ATAD2: variants seen among roughly 807,000 people sequenced by gnomAD.
The protein encoded by ATAD2 is ATPase family AAA domain containing 2, also known as ATPase family AAA domain-containing protein 2.
ATAD2 carries 62 observed loss-of-function variants against 168.9 expected under a neutral mutation model. The observed-to-expected ratio is 0.37, with a 90% CI of 0.30 to 0.45. The LOEUF is 0.45. Among genes scored for constraint, ATAD2 ranks in the 20% least tolerant of loss-of-function variants. The pLI is 1.00. For missense variants in ATAD2, 1,419 were observed against 1,667.8 expected (o/e 0.85, Z 2.60); for synonymous variants, 613 against 571.6 (o/e 1.07, Z -1.03).
chr8:123,367,550 T>G (rs1829019923), intron 8 of ATAD2, among the ~76,000 whole-genome samples: 1 of 152,114 alleles, frequency 6.6e-6, no homozygotes, highest in South Asian at 2.1e-4. Flanking sequence ...CTGGTGGTGG[T>G]GGGGATTCTA....
At chr8:123,397,351 T>C (rs1254618002), upstream of ATAD2, among the ~76,000 whole-genome samples, 2 of 151,962 alleles carry the variant, frequency 1.3e-5, no homozygotes, top group Admixed American at 1.3e-4. Context: ...TATCTCGGAA[T>C]GTACATATAA....
At chr8:123,358,337 T>G (rs1184010124) in intron 11 of ATAD2, among the ~76,000 whole-genome samples, 3 of 152,124 alleles carry the variant, frequency 2.0e-5, no homozygotes, top group Admixed American at 2.0e-4. Context: ...TGAGCCACCA[T>G]GCCTGGCACT....
intron 25 of ATAD2, 44 bp downstream of exon 25, chr8:123,328,144 AAT>A (rs1237989742): frequency 3.8e-6 from 5 of 1,322,500 alleles, no homozygotes; most frequent in Non-Finnish European, 4.9e-6. Flanking sequence ...GAAACTTTGA[AAT>A]ATCTTTTAAA....
chr8:123,385,673 C>A (rs1262157279), intron 1 of ATAD2, among the ~76,000 whole-genome samples: 1 of 151,890 alleles, frequency 6.6e-6, no homozygotes, highest in Non-Finnish European at 1.5e-5. Context: ...AAAATGAGTA[C>A]CTTTTATGCA....
chr8:123,357,794 A>C, intron 11 of ATAD2, 58 bp from the exon 12 acceptor site: 1 of 1,438,410 alleles, frequency 7.0e-7, no homozygotes, highest in Non-Finnish European at 9.3e-7. Flanking sequence ...CTTTTAAAAC[A>C]AAAATTAGAA....
At position 123,343,377 on chromosome 8, in the gene ATAD2, G is replaced by A. The variant is rs527388366; in HGVS notation, c.2718+1507C>T. ...AGCTAAATCTTTCTCCACAATAATAGTTAGTATTACAAAATTTTTAAAACT... is the reference window on the plus strand; with the variant it reads ...AGCTAAATCTTTCTCCACAATAATAATTAGTATTACAAAATTTTTAAAACT... On this transcript the variant is annotated intron_variant, in intron 19 of 27. Transcript: ENST00000287394. Among the ~76,000 whole-genome samples the A allele has an allele frequency of 1.5e-4, 23 of 152,090 alleles. No individual in the cohort carries two copies. In the South Asian group the frequency reaches 4.8e-3, roughly 32 times the overall value.
At chr8:123,336,623 G>T (rs1241768642) in intron 21 of ATAD2, 91 bp from the exon 22 acceptor site, 5 of 911,416 alleles carry the variant, frequency 5.5e-6, no homozygotes, top group Non-Finnish European at 7.9e-6. Flanking sequence ...AGGAGATAGA[G>T]AATAAATACG....
At chr8:123,374,741 A>C (rs1829253401) in intron 2 of ATAD2, among the ~76,000 whole-genome samples, 1 of 152,226 alleles carries the variant, frequency 6.6e-6, no homozygotes, top group Non-Finnish European at 1.5e-5. Flanking sequence ...CAAGGAAACT[A>C]TTTACAAAAA....
intron 19 of ATAD2, among the ~76,000 whole-genome samples, chr8:123,342,720 G>A (rs1356370260): frequency 6.6e-6 from 1 of 152,072 alleles, no homozygotes; most frequent in Non-Finnish European, 1.5e-5. Flanking sequence ...ATTTAACTTG[G>A]AGGTTCTGTA....
intron 5 of ATAD2, 24 bp downstream of exon 5, chr8:123,371,212 C>A: frequency 2.6e-6 from 4 of 1,535,128 alleles, no homozygotes; most frequent in Non-Finnish European, 3.6e-6. Flanking sequence ...TTAAATCATT[C>A]CCTTAATGGA....
chr8:123,352,730 A>G (rs1828512071), intron 13 of ATAD2: 1 of 151,404 alleles, frequency 6.6e-6, no homozygotes, highest in African/African-American at 2.4e-5. Context: ...AAAAAAAACA[A>G]CAAAAACAAA....
intron 15 of ATAD2, 26 bp downstream of exon 15, chr8:123,348,157 T>C (rs890551988): frequency 3.3e-6 from 5 of 1,501,554 alleles, no homozygotes; most frequent in Non-Finnish European, 4.5e-6. Context: ...GTAGTATTTA[T>C]TTTAACTGCT....
At chr8:123,369,551 A>G (rs762640170) in intron 7 of ATAD2, among the ~76,000 whole-genome samples, 1 of 152,178 alleles carries the variant, frequency 6.6e-6, no homozygotes, top group Non-Finnish European at 1.5e-5. Flanking sequence ...AACTGACAAA[A>G]TAAATTAAGT....
rs969525538 is a variant in ATAD2, at chr8:123,396,429, C to T, written c.-72G>A. The T allele has an allele frequency of 2.1e-6, 3 of 1,404,804 alleles. No homozygotes were observed. Among genetic ancestry groups the T allele is most frequent in the African/African-American group, 1.5e-5 (1 of 66,360 alleles). The allele number at this position is 1,404,804 out of a possible 1,614,324, so 87.0% of individuals were successfully genotyped here. A position where few individuals can be genotyped will look rare whatever the true frequency, so the allele number is the denominator to read the frequency against. ...GCTCCAGGCGCTCGCAGCTCTGGCT[C>T]TTCCGCGCTCCGAATTCTGGCGCCA... On this transcript the variant is annotated 5_prime_UTR_variant, in exon 1 of 28. Transcript: ENST00000287394.
chr8:123,353,025 C>G (rs1466566219), intron 13 of ATAD2, among the ~76,000 whole-genome samples: 1 of 151,928 alleles, frequency 6.6e-6, no homozygotes, highest in East Asian at 1.9e-4. Context: ...TGTGATCATG[C>G]TACTGCACTC....
chr8:123,358,404 G>A (rs1828712155), intron 11 of ATAD2, among the ~76,000 whole-genome samples: 1 of 151,972 alleles, frequency 6.6e-6, no homozygotes, highest in African/African-American at 2.4e-5. Context: ...GACTGCAGTG[G>A]TGCGATCTCG....
At chr8:123,337,554 C>G (rs1169858723) in intron 21 of ATAD2, 71 bp downstream of exon 21, 1 of 1,396,950 alleles carries the variant, frequency 7.2e-7, no homozygotes, top group East Asian at 2.4e-5. Flanking sequence ...ACCACATAAA[C>G]TCTTCAAATA....
At chr8:123,326,790 C>T (rs1827627593) in intron 25 of ATAD2, among the ~76,000 whole-genome samples, 1 of 152,088 alleles carries the variant, frequency 6.6e-6, no homozygotes, top group South Asian at 2.1e-4. Flanking sequence ...CCTGTGTAGG[C>T]TAAAGTATTT....
chr8:123,336,288 A>T, intron 22 of ATAD2, 85 bp downstream of exon 22: 2 of 1,176,404 alleles, frequency 1.7e-6, no homozygotes, highest in Non-Finnish European at 2.4e-6. Flanking sequence ...TTATGTTTAT[A>T]ATATAGCACC....
Sources: allele counts gnomAD v4.1 joint callset (sites outside exome capture counted in the v4.1 genomes callset), GRCh38; gene constraint gnomAD v4.1.1; transcripts MANE v1.5; gene names NCBI Gene and HGNC (gene_info 2026-07-23, HGNC 2026-07-21).